CWC27: variants seen among roughly 807,000 people sequenced by gnomAD.
The protein encoded by CWC27 is CWC27 spliceosome associated cyclophilin.
In CWC27, 47 loss-of-function variants were observed where a neutral mutation model predicts 63.6. That is an observed-to-expected ratio of 0.74 (90% CI 0.58 to 0.94). CWC27 has a LOEUF of 0.94. CWC27 is among the 40% of genes least tolerant of loss of function. The pLI is 0.00. For missense variants in CWC27, 495 were observed against 554.3 expected, an observed-to-expected ratio of 0.89 and a Z score of 1.07; for synonymous variants, 175 against 179.8, an observed-to-expected ratio of 0.97 and a Z score of 0.22.
At chr5:64,797,229 A>G (rs1744307592) in intron 7 of CWC27, among the ~76,000 whole-genome samples, 1 of 152,238 alleles carries the variant, frequency 6.6e-6, no homozygotes, top group Admixed American at 6.5e-5. Context: ...TTAAAAATAT[A>G]TTTGGTGTTT....
chr5:64,885,342 C>T (rs928553369), intron 10 of CWC27, 101 bp from the exon 11 acceptor site: 2 of 703,274 alleles, frequency 2.8e-6, no homozygotes, highest in Admixed American at 3.1e-5. Context: ...ACATTATTCA[C>T]TTTATTTTTC....
At chr5:64,887,054 A>T (rs1186845098) in intron 11 of CWC27, among the ~76,000 whole-genome samples, 7 of 152,126 alleles carry the variant, frequency 4.6e-5, no homozygotes, top group African/African-American at 1.7e-4. Flanking sequence ...AAAATATAAA[A>T]CTTAAATATT....
At chr5:64,885,410 T>C in intron 10 of CWC27, 33 bp from the exon 11 acceptor site, 1 of 1,448,956 alleles carries the variant, frequency 6.9e-7, no homozygotes, top group Non-Finnish European at 9.4e-7. Context: ...TCTCAATATA[T>C]TATATACTTA....
intron 11 of CWC27, among the ~76,000 whole-genome samples, chr5:64,927,237 T>G (rs1444733640): frequency 1.3e-5 from 2 of 152,210 alleles, no homozygotes; most frequent in Admixed American, 1.3e-4. Flanking sequence ...GAGTTTACTA[T>G]TATTTACATC....
At chr5:65,016,555 A>G (rs1580784266) in intron 13 of CWC27, among the ~76,000 whole-genome samples, 1 of 152,152 alleles carries the variant, frequency 6.6e-6, no homozygotes, top group South Asian at 2.1e-4. Context: ...GATCATCCAT[A>G]TATATCATTT....
chr5:64,984,834 C>T (rs1388645163), intron 13 of CWC27, among the ~76,000 whole-genome samples: 1 of 152,098 alleles, frequency 6.6e-6, no homozygotes, highest in Non-Finnish European at 1.5e-5. Flanking sequence ...ACAGGTTATG[C>T]TTTTAGTGTT....
rs550067649 is a variant in CWC27 at position 64,980,495 on chromosome 5, A to G, written c.1256+3257A>G. Among the ~76,000 whole-genome samples the G allele has an allele frequency of 2.6e-5, 4 of 152,330 alleles. No homozygotes were observed. The East Asian group carries it at 7.7e-4, about 29-fold the overall frequency. On this transcript the variant is annotated intron_variant, in intron 13 of 13. Transcript: ENST00000381070. ...TTTCTAAGGAGAGGAGAAAGATTAA[A>G]TCTATGTGAATAGGCTTCGATCTTA...
chr5:64,920,015 A>G (rs1426572415), intron 11 of CWC27, among the ~76,000 whole-genome samples: 1 of 152,206 alleles, frequency 6.6e-6, no homozygotes, highest in Non-Finnish European at 1.5e-5. Context: ...GAACTAATTT[A>G]TATTCCCATC....
chr5:64,981,450 A>T (rs530791141), intron 13 of CWC27, among the ~76,000 whole-genome samples: 45 of 152,276 alleles, frequency 3.0e-4, no homozygotes, highest in East Asian at 1.7e-3. Flanking sequence ...ATCATATTCC[A>T]CTATATGATG....
intron 11 of CWC27, among the ~76,000 whole-genome samples, chr5:64,904,474 C>G (rs1747575975): frequency 6.6e-6 from 1 of 152,132 alleles, no homozygotes; most frequent in African/African-American, 2.4e-5. Context: ...GACAGGAAGC[C>G]TCGGTTCCTT....
chr5:64,899,288 T>C (rs1657988976), intron 11 of CWC27, among the ~76,000 whole-genome samples: 1 of 152,128 alleles, frequency 6.6e-6, no homozygotes, highest in South Asian at 2.1e-4. Flanking sequence ...TGAAGGGCAA[T>C]AAGTATAACA....
At position 64,960,287 on chromosome 5, in the gene CWC27, T is replaced by C. The variant is rs1046628941; in HGVS notation, c.1043-11416T>C. ...GCTTGTACTTTAGAGCCAGACTACA[T>C]AGGTTTATATCCCCAGGCTTATAAT... is the stretch of plus-strand genomic sequence containing the variant. On this transcript the variant is annotated intron_variant, in intron 11 of 13. Coordinates refer to ENST00000381070, the MANE Select transcript of CWC27 (RefSeq NM_005869.4). Among the ~76,000 whole-genome samples, 13 of 152,086 alleles carry C rather than the reference T, an allele frequency of 8.5e-5. No homozygotes were observed. The East Asian group carries it at 2.1e-3, about 25-fold the overall frequency.
intron 10 of CWC27, among the ~76,000 whole-genome samples, chr5:64,837,573 GTCT>G (rs1224209465): frequency 6.6e-6 from 1 of 150,914 alleles, no homozygotes; most frequent in Non-Finnish European, 1.5e-5. Context: ...TCTAGCATTA[GTCT>G]TATCTCTTTT....
intron 13 of CWC27, among the ~76,000 whole-genome samples, chr5:65,013,092 G>T (rs1409662065): frequency 6.6e-6 from 1 of 152,140 alleles, no homozygotes; most frequent in African/African-American, 2.4e-5. Flanking sequence ...CTTCTCTCTA[G>T]TTCTACATCA....
chr5:64,865,844 G>A lies in CWC27; in HGVS notation c.939-19599G>A, dbSNP rs1746520468. ...TCATATATATAAACATTATCTTCTT[G>A]AAATATTAATGTTAAAATAACAGTA... On this transcript the variant is annotated intron_variant, in intron 10 of 13. Transcript: ENST00000381070. Among the ~76,000 whole-genome samples, 3 of 152,052 alleles carry A rather than the reference G, an allele frequency of 2.0e-5. No individual in the cohort carries two copies. The South Asian group carries it at 6.2e-4, about 32-fold the overall frequency.
chr5:64,986,113 G>A lies in CWC27; in HGVS notation c.1256+8875G>A, dbSNP rs114328972. On this transcript the variant is annotated intron_variant, in intron 13 of 13. Transcript: ENST00000381070. ...TCCTGCCACCACAATAAAGAAGGAC[G>A]TGTTTGCCTCCCCTTCCAACATGAT... is the stretch of plus-strand genomic sequence containing the variant. Among the ~76,000 whole-genome samples, 621 of 152,128 alleles carry A rather than the reference G, an allele frequency of 4.1e-3. 2 individuals are homozygous for A. Among genetic ancestry groups the A allele is most frequent in the African/African-American group, 0.014 (578 of 41,510 alleles).
intron 10 of CWC27, among the ~76,000 whole-genome samples, chr5:64,869,786 A>G (rs1299534017): frequency 5.9e-5 from 9 of 152,070 alleles, no homozygotes; most frequent in Non-Finnish European, 5.9e-5. Context: ...GTATCCAAAA[A>G]GCTTTTATAC....
At chr5:64,842,090 C>A (rs1016626031) in intron 10 of CWC27, among the ~76,000 whole-genome samples, 2 of 152,158 alleles carry the variant, frequency 1.3e-5, no homozygotes, top group African/African-American at 4.8e-5. Context: ...TATAGCCATT[C>A]TTTTACATTT....
At chr5:64,815,566 T>C (rs1450941583) in intron 10 of CWC27, among the ~76,000 whole-genome samples, 1 of 152,146 alleles carries the variant, frequency 6.6e-6, no homozygotes, top group East Asian at 1.9e-4. Context: ...TCTCTACGAT[T>C]TAAACAGAAA....
Sources: allele counts gnomAD v4.1 joint callset (sites outside exome capture counted in the v4.1 genomes callset), GRCh38; gene constraint gnomAD v4.1.1; transcripts MANE v1.5; gene names NCBI Gene and HGNC (gene_info 2026-07-23, HGNC 2026-07-21).